Variants in ENAM observed in about 807,000 individuals in gnomAD.
ENAM encodes the protein enamelin.
Under a neutral mutation model 33.6 loss-of-function variants are expected in ENAM, and 21 were observed. The ratio of observed to expected loss-of-function variants is 0.63; its 90% CI spans 0.44 to 0.90. The LOEUF (loss-of-function observed/expected upper bound fraction) is 0.90. Ranked by LOEUF, ENAM falls within the 40% of genes least tolerant of loss-of-function variation. The pLI is 0.00. For synonymous variants in ENAM, 473 were observed against 468.4 expected (o/e 1.01, Z -0.13); for missense variants, 1,388 against 1,366.9 (o/e 1.02, Z -0.24).
Position 70,643,770 on chromosome 4 carries a change from T to C in ENAM, c.2344T>C (p.Phe782Leu), listed in dbSNP as rs754095365. The change falls in exon 9 of 9, where the codon TTT becomes CTT. Residue 782 changes from phenylalanine (F) to leucine (L), a missense_variant. Physicochemically the swap from Phe to Leu is conservative, Grantham distance 22. Coordinates refer to ENST00000396073, the MANE Select transcript of ENAM (RefSeq NM_031889.3). ...AQGQRERRPYFNRNIWDQATH... is the reference protein window; with the variant it reads ...AQGQRERRPYLNRNIWDQATH... ...AGGGCAGAGAGAAAGAAGGCCGTATTTTAACAGAAATATCTGGGATCAGGC... is the reference window on the plus strand; with the variant it reads ...AGGGCAGAGAGAAAGAAGGCCGTATCTTAACAGAAATATCTGGGATCAGGC... 6.2e-7 allele frequency: 1 copy of C among 1,614,132 alleles called. No individual in the cohort carries two copies. Among genetic ancestry groups the C allele is most frequent in the Admixed American group, 1.7e-5 (1 of 60,010 alleles).
intron 4 of ENAM, among the ~76,000 whole-genome samples, chr4:70,632,381 T>C (rs138089324): frequency 0.021 from 3,148 of 152,222 alleles, 56 homozygotes; most frequent in Non-Finnish European, 0.035. Context: ...ATCAGACTTT[T>C]ATTTTCTATG....
intron 7 of ENAM, among the ~76,000 whole-genome samples, chr4:70,636,120 A>G (rs1374787223): frequency 6.6e-6 from 1 of 152,186 alleles, no homozygotes; most frequent in African/African-American, 2.4e-5. Context: ...CCAAACAGAT[A>G]CTAATAAATT....
chr4:70,643,857 AG>A lies in ENAM; in HGVS notation c.2432del (p.Ser811IlefsTer19). 6.2e-7 allele frequency: 1 copy of A among 1,614,234 alleles called. No homozygotes were observed. The highest frequency in any genetic ancestry group is 8.5e-7 in the Non-Finnish European group (1 of 1,180,040). On this transcript the variant is annotated frameshift_variant, in exon 9 of 9. Transcript: ENST00000396073. LOFTEE classifies it low-confidence loss of function (END_TRUNC). ...PDQKGNQPYYSNTPAGLQKNP... is the reference protein window; with the variant it reads ...PDQKGNQPYYXNTPAGLQKNP... Reference sequence around the variant, plus strand: ...CCAGAAAGGTAACCAGCCCTATTACAGTAACACCCCAGCTGGGCTTCAGAAA... The same window carrying A: ...CCAGAAAGGTAACCAGCCCTATTACATAACACCCCAGCTGGGCTTCAGAAA...
intron 8 of ENAM, among the ~76,000 whole-genome samples, chr4:70,640,571 GTATTAT>G (rs1203652549): frequency 6.6e-6 from 1 of 152,052 alleles, no homozygotes; most frequent in African/African-American, 2.4e-5. Flanking sequence ...ATTAAAAATT[GTATTAT>G]TATTATATAA....
rs1301672853 is a variant in ENAM, at chr4:70,641,393, A to AT, written c.589-619dup. 2.3e-3 allele frequency among the ~76,000 whole-genome samples: 326 copies of AT among 141,872 alleles called. 5 individuals carry two copies. The highest frequency in any genetic ancestry group is 7.5e-3 in the African/African-American group (282 of 37,698). The allele number at this position is 141,872 out of a possible 152,430, so 93.1% of individuals were successfully genotyped here. On this transcript the variant is annotated intron_variant, in intron 8 of 8. Coordinates refer to ENST00000396073, the MANE Select transcript of ENAM (RefSeq NM_031889.3). ...TTATTTTTTTTTATTTTATTTATTT[A>AT]TTTATTTTTTTTTTTGAGATGGAGT...
In ENAM at chr4:70,642,327, G is replaced by T; in HGVS notation, c.901G>T (p.Gly301Ter). 6.2e-7 allele frequency: 1 copy of T among 1,614,128 alleles called. No homozygotes were observed. The highest frequency in any genetic ancestry group is 8.5e-7 in the Non-Finnish European group (1 of 1,180,022). ...CCCTGCAGTCAACGCTTCAGGCCAG[G>T]GAGGGCCAGGAAGTCAAATCCCATG... ...PLPAVNASGQ[G>*]GPGSQIPWRP... The change falls in exon 9 of 9, where the codon GGA becomes TGA. Residue 301 changes from glycine (G) to a stop codon, truncating the protein, a stop_gained. Transcript: ENST00000396073. LOFTEE classifies it low-confidence loss of function (END_TRUNC).
Position 70,646,788 on chromosome 4 carries a change from A to G in ENAM, c.*1933A>G, listed in dbSNP as rs1366147477. 6.6e-6 allele frequency: 1 copy of G among 152,212 alleles called. No homozygotes were observed. Among genetic ancestry groups the G allele is most frequent in the Non-Finnish European group, 1.5e-5 (1 of 68,042 alleles). 9.4% of individuals were successfully genotyped at this position (152,212 alleles called of 1,614,324 possible). On this transcript the variant is annotated 3_prime_UTR_variant, in exon 9 of 9. Coordinates refer to ENST00000396073, the MANE Select transcript of ENAM (RefSeq NM_031889.3). Reference sequence around the variant, plus strand: ...TTCTGTATAAAACTGTCTTTTAAGAATTATCCTTTCAAAATAAAAATGTTA... The same window carrying G: ...TTCTGTATAAAACTGTCTTTTAAGAGTTATCCTTTCAAAATAAAAATGTTA...
chr4:70,644,052 G>C lies in ENAM; in HGVS notation c.2626G>C (p.Ala876Pro). The C allele has an allele frequency of 6.2e-7, 1 of 1,614,072 alleles. No individual in the cohort carries two copies. The highest frequency in any genetic ancestry group is 8.5e-7 in the Non-Finnish European group (1 of 1,180,004). Residue 876 changes from alanine to proline, a missense_variant, in exon 9 of 9, where the codon GCT (alanine) becomes CCT (proline). Physicochemically the swap from Ala to Pro is conservative, Grantham distance 27. Transcript: ENST00000396073. ...CCTAAGCCAGAGAGGCTCTTGCTGT[G>C]CTGGTAGCTCCACAGGGCCCAAGGA... is the stretch of plus-strand genomic sequence containing the variant. The part of the protein sequence containing the change: ...FHLSQRGSCC[A>P]GSSTGPKDNP...
rs2148524555 is a variant in ENAM at position 70,645,878 on chromosome 4, A to G, written c.*1023A>G. The stretch of plus-strand genomic sequence containing the variant: ...AAGGGAAGGCAGGATACCCAGAACT[A>G]GCAGCCTAGGGAAAAGGCTTAGGAA... On this transcript the variant is annotated 3_prime_UTR_variant, in exon 9 of 9. Transcript: ENST00000396073. 1 of 152,346 alleles carries G rather than the reference A, an allele frequency of 6.6e-6. No homozygotes were observed. Among genetic ancestry groups the G allele is most frequent in the African/African-American group, 2.4e-5 (1 of 41,572 alleles). 9.4% of individuals were successfully genotyped at this position (152,346 alleles called of 1,614,324 possible). A position where few individuals can be genotyped will look rare whatever the true frequency, so the allele number is the denominator to read the frequency against.
chr4:70,644,489 T>C lies in ENAM; in HGVS notation c.3063T>C (p.Ile1021=), dbSNP rs1273163815. Residue 1021 remains isoleucine, a synonymous_variant, in exon 9 of 9, where the codon ATT becomes ATC. Coordinates refer to ENST00000396073, the MANE Select transcript of ENAM (RefSeq NM_031889.3). ...TVDLTPEQLV[I]GTPDEGSNPE... ...ACCTTACTCCTGAGCAGCTTGTTAT[T>C]GGTACACCTGATGAAGGCTCCAATC... is the stretch of plus-strand genomic sequence containing the variant. 1 of 1,614,148 alleles carries C rather than the reference T, an allele frequency of 6.2e-7. No homozygotes were observed. Among genetic ancestry groups the C allele is most frequent in the Non-Finnish European group, 8.5e-7 (1 of 1,180,024 alleles).
rs564475011 is a variant in ENAM, at chr4:70,629,694, G to T, written c.54+140G>T. The stretch of plus-strand genomic sequence containing the variant: ...ATCTGCTTTCACAGATGGAATGGAA[G>T]AAGAACTTACACAGTCATTGTACTT... On this transcript the variant is annotated intron_variant, in intron 2 of 8. Coordinates refer to ENST00000396073, the MANE Select transcript of ENAM (RefSeq NM_031889.3). 5 of 772,244 alleles carry T rather than the reference G, an allele frequency of 6.5e-6. No individual in the cohort carries two copies. In the African/African-American group the frequency reaches 6.9e-5, roughly 11 times the overall value. The allele number at this position is 772,244 out of a possible 1,614,324, so 47.8% of individuals were successfully genotyped here. A position where few individuals can be genotyped will look rare whatever the true frequency, so the allele number is the denominator to read the frequency against.
chr4:70,632,858 C>A (rs897887535), intron 5 of ENAM, among the ~76,000 whole-genome samples, 166 bp downstream of exon 5: 1 of 152,012 alleles, frequency 6.6e-6, no homozygotes, highest in African/African-American at 2.4e-5. Flanking sequence ...CCTCTCACAC[C>A]AAATTTTCTT....
At chr4:70,641,971 G>A in intron 8 of ENAM, 44 bp from the exon 9 acceptor site, 1 of 1,444,528 alleles carries the variant, frequency 6.9e-7, no homozygotes, top group Non-Finnish European at 9.8e-7. Flanking sequence ...ACACCATGGT[G>A]GGAAACAAAG....
At chr4:70,636,368 C>A (rs1738452611) in intron 7 of ENAM, among the ~76,000 whole-genome samples, 1 of 152,132 alleles carries the variant, frequency 6.6e-6, no homozygotes, top group Non-Finnish European at 1.5e-5. Flanking sequence ...GGCAAGGTGG[C>A]TCACGTCTGT....
Position 70,635,733 on chromosome 4 carries a change from T to G in ENAM, c.472-99T>G, listed in dbSNP as rs1738434854. ...ACACAGAGTTTAATGCAAAGGGAGA[T>G]GTAGACTCCCAAGTTTCAATTGTAT... On this transcript the variant is annotated intron_variant, in intron 6 of 8. Transcript: ENST00000396073. The G allele has an allele frequency of 2.0e-5, 16 of 781,728 alleles. No homozygotes were observed. The South Asian group carries it at 2.4e-4, about 12-fold the overall frequency. The allele number at this position is 781,728 out of a possible 1,614,324, so 48.4% of individuals were successfully genotyped here.
chr4:70,632,025 A>G, intron 4 of ENAM, 132 bp downstream of exon 4: 1 of 884,118 alleles, frequency 1.1e-6, no homozygotes, highest in Non-Finnish European at 1.9e-6. Flanking sequence ...GGAGATTTGA[A>G]AGTCTTAAAC....
In ENAM at chr4:70,642,358, CAAGTCAGCCA is replaced by C. The variant is rs1738621357; in HGVS notation, c.935_944del (p.Ser312IlefsTer11). 1 of 1,613,972 alleles carries C rather than the reference CAAGTCAGCCA, an allele frequency of 6.2e-7. No individual in the cohort carries two copies. The highest frequency in any genetic ancestry group is 1.3e-5 in the African/African-American group (1 of 74,908). Reference sequence around the variant, plus strand: ...CCAGGAAGTCAAATCCCATGGAGACCAAGTCAGCCAAATATTCGTGAAAATCATCCATATC... The same window carrying C: ...CCAGGAAGTCAAATCCCATGGAGACCAATATTCGTGAAAATCATCCATATC... On this transcript the variant is annotated frameshift_variant, in exon 9 of 9. Coordinates refer to ENST00000396073, the MANE Select transcript of ENAM (RefSeq NM_031889.3). LOFTEE classifies it low-confidence loss of function (END_TRUNC).
chr4:70,644,603 C>A lies in ENAM; in HGVS notation c.3177C>A (p.Gly1059=). 6.2e-7 allele frequency: 1 copy of A among 1,613,030 alleles called. No homozygotes were observed. Among genetic ancestry groups the A allele is most frequent in the Non-Finnish European group, 8.5e-7 (1 of 1,179,240 alleles). The part of the protein sequence containing the change: ...PSNILHLPCF[G]SKLAKHHSST... Reference sequence around the variant, plus strand: ...ACATTCTGCATTTGCCATGCTTTGGCTCCAAATTAGCAAAGCATCACTCTT... The same window carrying A: ...ACATTCTGCATTTGCCATGCTTTGGATCCAAATTAGCAAAGCATCACTCTT... The change falls in exon 9 of 9, where the codon GGC becomes GGA. Residue 1059 remains glycine (G), a synonymous_variant. Coordinates refer to ENST00000396073, the MANE Select transcript of ENAM (RefSeq NM_031889.3).
chr4:70,637,940 A>G, intron 8 of ENAM, 97 bp downstream of exon 8: 1 of 923,458 alleles, frequency 1.1e-6, no homozygotes, highest in Non-Finnish European at 1.8e-6. Context: ...AATCCAACAC[A>G]TGAACCTGTA....
Sources: gnomAD v4.1 joint callset for allele counts (sites outside exome capture counted in the v4.1 genomes callset) on GRCh38, gnomAD v4.1.1 for gene constraint, MANE v1.5 for transcripts, NCBI Gene and HGNC (gene_info 2026-07-23, HGNC 2026-07-21) for gene names.